The following SLC8A1 variants were observed in gnomAD, a reference collection of about 807,000 sequenced individuals.
SLC8A1 encodes solute carrier family 8 member A1.
In SLC8A1, 18 loss-of-function variants were observed where a neutral mutation model predicts 68.3. The ratio of observed to expected loss-of-function variants is 0.26; its 90% CI spans 0.18 to 0.39. The LOEUF (loss-of-function observed/expected upper bound fraction) is 0.39. Among genes scored for constraint, SLC8A1 ranks in the 10% least tolerant of loss-of-function variants. The pLI, the probability that SLC8A1 is intolerant of heterozygous loss-of-function variation, is 1.00. For missense variants in SLC8A1, 985 were observed against 1,156.7 expected (o/e 0.85, Z 2.15); for synonymous variants, 475 against 415.5 (o/e 1.14, Z -1.74).
At chr2:40,197,071 C>T (rs2053189122) in intron 2 of SLC8A1, among the ~76,000 whole-genome samples, 1 of 152,038 alleles carries the variant, frequency 6.6e-6, no homozygotes, top group South Asian at 2.1e-4. Flanking sequence ...ATATCCCACA[C>T]ATCAGTGGCT....
intron 2 of SLC8A1, among the ~76,000 whole-genome samples, chr2:40,249,593 T>A (rs2062419413): frequency 6.6e-6 from 1 of 152,156 alleles, no homozygotes; most frequent in Non-Finnish European, 1.5e-5. Flanking sequence ...CTATTCTAGA[T>A]GATTCCTCTA....
chr2:40,446,064 G>A (rs147001037), intron 1 of SLC8A1, among the ~76,000 whole-genome samples: 3 of 152,316 alleles, frequency 2.0e-5, no homozygotes, highest in African/African-American at 7.2e-5. Flanking sequence ...GAAATGGGAA[G>A]CTAGAGAAGT....
intron 7 of SLC8A1, among the ~76,000 whole-genome samples, chr2:40,133,094 C>G (rs1193268748): frequency 6.6e-6 from 1 of 152,106 alleles, no homozygotes; most frequent in African/African-American, 2.4e-5. Flanking sequence ...TGCCATGTAT[C>G]ATTAGGCTGA....
chr2:40,422,652 G>T (rs1490258260), intron 2 of SLC8A1, among the ~76,000 whole-genome samples: 1 of 152,040 alleles, frequency 6.6e-6, no homozygotes, highest in African/African-American at 2.4e-5. Context: ...AATGGCTAAG[G>T]ACTCCTCAAA....
At chr2:40,450,998 T>A (rs376042611) in intron 1 of SLC8A1, among the ~76,000 whole-genome samples, 2 of 151,496 alleles carry the variant, frequency 1.3e-5, no homozygotes, top group African/African-American at 4.9e-5. Context: ...GCGGGGGTGA[T>A]GCAGGGGGTG....
intron 2 of SLC8A1, among the ~76,000 whole-genome samples, chr2:40,334,385 C>T (rs990490291): frequency 6.6e-6 from 1 of 152,146 alleles, no homozygotes; most frequent in African/African-American, 2.4e-5. Flanking sequence ...ATAGACATGA[C>T]TTAAGTGTAG....
intron 2 of SLC8A1, among the ~76,000 whole-genome samples, chr2:40,285,329 G>C (rs531724910): frequency 6.6e-6 from 1 of 152,058 alleles, no homozygotes; most frequent in Non-Finnish European, 1.5e-5. Context: ...TTCTTTGTAA[G>C]GACAGACCCA....
chr2:40,404,123 T>A (rs77827558), intron 2 of SLC8A1, among the ~76,000 whole-genome samples: 2,796 of 152,270 alleles, frequency 0.018, 80 homozygotes, highest in African/African-American at 0.062. Flanking sequence ...TTTGAGATTC[T>A]GGGCTCAAGT....
chr2:40,425,099 T>C (rs2149765364), intron 2 of SLC8A1, among the ~76,000 whole-genome samples: 1 of 151,980 alleles, frequency 6.6e-6, no homozygotes, highest in East Asian at 1.9e-4. Flanking sequence ...TAGTTGGCAT[T>C]GGTTTAGTAT....
At chr2:40,428,832 A>G (rs772500841) in exon 2 of SLC8A1, 8 of 1,613,860 alleles carry the variant, frequency 5.0e-6, no homozygotes, top group Non-Finnish European at 6.8e-6. Context: ...CCTCAAAGAT[A>G]TCATCATCTA....
exon 8 of SLC8A1, chr2:40,112,804 G>A (rs770000140): frequency 3.3e-5 from 5 of 152,342 alleles, no homozygotes; most frequent in Non-Finnish European, 7.4e-5. Flanking sequence ...CAACATGATT[G>A]CCCTTCTTGG....
intron 6 of SLC8A1, among the ~76,000 whole-genome samples, chr2:40,147,166 G>A (rs1358919342): frequency 1.3e-5 from 2 of 152,134 alleles, no homozygotes; most frequent in Non-Finnish European, 2.9e-5. Context: ...CTCCATGCAA[G>A]TTCGATTATT....
intron 2 of SLC8A1, among the ~76,000 whole-genome samples, chr2:40,373,833 G>T (rs1050036246): frequency 7.2e-5 from 11 of 151,976 alleles, no homozygotes; most frequent in African/African-American, 2.7e-4. Flanking sequence ...CCCATCTTTT[G>T]CCATTTGTGC....
chr2:40,328,814 C>CTAT (rs2076113148), intron 2 of SLC8A1, among the ~76,000 whole-genome samples: 1 of 152,114 alleles, frequency 6.6e-6, no homozygotes, highest in Non-Finnish European at 1.5e-5. Context: ...CCCACCTGGA[C>CTAT]TATTGCAAGG....
chr2:40,212,349 A>G (rs534850492), intron 2 of SLC8A1, among the ~76,000 whole-genome samples: 12 of 132,318 alleles, frequency 9.1e-5, no homozygotes, highest in Non-Finnish European at 1.9e-4. Flanking sequence ...CAGTGGTGCG[A>G]TCTTGGCTCA....
chr2:40,383,310 T>A (rs904857529), intron 2 of SLC8A1, among the ~76,000 whole-genome samples: 6 of 152,102 alleles, frequency 3.9e-5, no homozygotes, highest in African/African-American at 1.4e-4. Context: ...TTGATATATG[T>A]TTTTTGTCCT....
intron 2 of SLC8A1, among the ~76,000 whole-genome samples, chr2:40,343,358 T>G (rs1253855556): frequency 6.6e-6 from 1 of 152,178 alleles, no homozygotes; most frequent in Non-Finnish European, 1.5e-5. Flanking sequence ...TGTCAGTAAC[T>G]CTTTGGGAAC....
chr2:40,419,061 T>C (rs1369018593), intron 2 of SLC8A1, among the ~76,000 whole-genome samples: 1 of 152,240 alleles, frequency 6.6e-6, no homozygotes, highest in Admixed American at 6.5e-5. Flanking sequence ...TGAACATTCG[T>C]ACATCCATCT....
At chr2:40,157,029 C>T (rs916808791) in intron 6 of SLC8A1, among the ~76,000 whole-genome samples, 2 of 152,112 alleles carry the variant, frequency 1.3e-5, no homozygotes, top group African/African-American at 4.8e-5. Context: ...TTTTTCCAAA[C>T]CTCAGTGTTC....
Sources: gnomAD v4.1 joint callset for allele counts (sites outside exome capture counted in the v4.1 genomes callset) on GRCh38, gnomAD v4.1.1 for gene constraint, MANE v1.5 for transcripts, NCBI Gene and HGNC (gene_info 2026-07-23, HGNC 2026-07-21) for gene names.